Variants in GRIA3 observed in about 807,000 individuals in gnomAD.
The protein encoded by GRIA3 is glutamate ionotropic receptor AMPA type subunit 3.
A neutral mutation model predicts 63.0 loss-of-function variants in GRIA3; 3 were observed. The observed-to-expected ratio is 0.05, with a 90% CI of 0.02 to 0.12. The LOEUF is 0.12. Ranked by LOEUF, GRIA3 falls within the 10% of genes least tolerant of loss-of-function variation. The pLI is 1.00. For synonymous variants in GRIA3, 274 were observed against 257.9 expected, an observed-to-expected ratio of 1.06 and a Z score of -0.60; for missense variants, 347 against 700.9, an observed-to-expected ratio of 0.50 and a Z score of 5.70.
At chrX:123,205,075 G>A (rs974114397) in intron 2 of GRIA3, among the ~76,000 whole-genome samples, 1 of 111,759 alleles carries the variant, frequency 8.9e-6, no homozygotes, top group Admixed American at 9.5e-5. Flanking sequence ...TTTACTGGGA[G>A]CATCGGGTAG....
At chrX:123,361,859 C>T (rs2045177274) in intron 5 of GRIA3, among the ~76,000 whole-genome samples, 1 of 111,436 alleles carries the variant, frequency 9.0e-6, no homozygotes, top group Non-Finnish European at 1.9e-5. Flanking sequence ...ACCAGTTTTT[C>T]CCCCCAAGAT....
At chrX:123,260,377 G>A (rs2044444602) in intron 3 of GRIA3, among the ~76,000 whole-genome samples, 1 of 84,472 alleles carries the variant, frequency 1.2e-5, no homozygotes, top group African/African-American at 4.5e-5. Context: ...GACAGTAGCA[G>A]GGTATCTCAA....
chrX:123,409,681 A>G (rs2045495043), intron 10 of GRIA3, among the ~76,000 whole-genome samples: 1 of 112,187 alleles, frequency 8.9e-6, no homozygotes, highest in South Asian at 3.8e-4. Flanking sequence ...ACTTAAAAAC[A>G]GCATTTTTTG....
At chrX:123,368,296 G>A (rs1435955514) in intron 5 of GRIA3, among the ~76,000 whole-genome samples, 1 of 111,680 alleles carries the variant, frequency 9.0e-6, no homozygotes, top group Non-Finnish European at 1.9e-5. Flanking sequence ...GTAGCTTCAC[G>A]AATGGAGTCT....
chrX:123,360,682 C>G (rs1248079491), intron 5 of GRIA3, among the ~76,000 whole-genome samples: 2 of 61,550 alleles, frequency 3.2e-5, no homozygotes, highest in Non-Finnish European at 5.6e-5. Context: ...GGTGACGGAG[C>G]AAGACTCTGT....
intron 3 of GRIA3, among the ~76,000 whole-genome samples, chrX:123,318,904 C>T (rs777985706): frequency 1.8e-5 from 2 of 111,784 alleles, no homozygotes; most frequent in East Asian, 2.8e-4. Flanking sequence ...AACAAAAAGA[C>T]GTTTAATATG....
intron 5 of GRIA3, among the ~76,000 whole-genome samples, chrX:123,366,605 C>T (rs1475051325): frequency 8.9e-6 from 1 of 111,879 alleles, no homozygotes; most frequent in Non-Finnish European, 1.9e-5. Flanking sequence ...TAGAGTGTAA[C>T]AGCAATATAT....
chrX:123,314,283 T>C (rs1005565987), intron 3 of GRIA3, among the ~76,000 whole-genome samples: 21 of 111,972 alleles, frequency 1.9e-4, no homozygotes, highest in African/African-American at 6.2e-4. Context: ...TCTCATGGCA[T>C]CTGTTAAGAG....
chrX:123,259,868 C>T (rs2044441249), intron 3 of GRIA3, among the ~76,000 whole-genome samples: 1 of 111,710 alleles, frequency 9.0e-6, no homozygotes, highest in Admixed American at 9.5e-5. Flanking sequence ...ATTACCTCTT[C>T]CTTTAGTCTT....
intron 13 of GRIA3, among the ~76,000 whole-genome samples, chrX:123,469,018 G>A (rs1004194335): frequency 8.9e-6 from 1 of 112,523 alleles, no homozygotes; most frequent in Non-Finnish European, 1.9e-5. Flanking sequence ...AGGTTCATTC[G>A]CAACTACCTT....
At chrX:123,337,047 C>T (rs1398397159) in intron 4 of GRIA3, among the ~76,000 whole-genome samples, 2 of 112,005 alleles carry the variant, frequency 1.8e-5, no homozygotes, top group African/African-American at 6.5e-5. Flanking sequence ...CTCTTTCTAT[C>T]ATCTGAGGTA....
At chrX:123,449,941 T>C (rs1415460064) in intron 12 of GRIA3, among the ~76,000 whole-genome samples, 1 of 111,828 alleles carries the variant, frequency 8.9e-6, no homozygotes, top group Non-Finnish European at 1.9e-5. Context: ...TTGATTCTTC[T>C]TCCTCTGGTA....
chrX:123,466,864 G>A (rs1366866402), intron 13 of GRIA3, among the ~76,000 whole-genome samples: 2 of 112,597 alleles, frequency 1.8e-5, no homozygotes, highest in African/African-American at 6.5e-5. Flanking sequence ...GACAATGGTT[G>A]CACTTCTGCT....
chrX:123,438,496 T>C (rs191363667), intron 12 of GRIA3, among the ~76,000 whole-genome samples: 101 of 112,262 alleles, frequency 9.0e-4, no homozygotes, highest in Admixed American at 2.2e-3. Context: ...AATTGCTGGA[T>C]CATATGTCAA....
intron 3 of GRIA3, among the ~76,000 whole-genome samples, chrX:123,289,431 T>A (rs182868208): frequency 0.01 from 1,092 of 105,804 alleles, 4 homozygotes; most frequent in East Asian, 0.028. Flanking sequence ...AAAAAAAATA[T>A]ATATATATAT....
chrX:123,252,226 T>C (rs190646439), intron 2 of GRIA3, among the ~76,000 whole-genome samples: 248 of 112,072 alleles, frequency 2.2e-3, no homozygotes, highest in Non-Finnish European at 3.8e-3. Flanking sequence ...TAAGATTCTA[T>C]TTAATCACTC....
chrX:123,378,094 C>T (rs1006109501), intron 5 of GRIA3, among the ~76,000 whole-genome samples: 5 of 111,728 alleles, frequency 4.5e-5, no homozygotes, highest in Non-Finnish European at 5.6e-5. Context: ...TCTCCCCCAT[C>T]AGTGTCTTTG....
At chrX:123,417,861 A>C in intron 11 of GRIA3, 83 bp downstream of exon 11, 18 of 869,851 alleles carry the variant, frequency 2.1e-5, no homozygotes, top group Middle Eastern at 2.8e-4. Flanking sequence ...CATCCATCTC[A>C]ACTCCAGATT....
intron 5 of GRIA3, among the ~76,000 whole-genome samples, chrX:123,369,419 A>G (rs1203893545): frequency 8.9e-6 from 1 of 111,876 alleles, no homozygotes; most frequent in Non-Finnish European, 1.9e-5. Context: ...TATGCCTACC[A>G]TTCATCCCTT....
Sources: allele counts gnomAD v4.1 joint callset (sites outside exome capture counted in the v4.1 genomes callset), GRCh38; gene constraint gnomAD v4.1.1; transcripts MANE v1.5; gene names NCBI Gene and HGNC (gene_info 2026-07-23, HGNC 2026-07-21).